STRBP: variants seen among roughly 807,000 people sequenced by gnomAD.
The protein encoded by STRBP is spermatid perinuclear RNA binding protein, also known as spermatid perinuclear RNA-binding protein.
In STRBP, 13 loss-of-function variants were observed where a neutral mutation model predicts 80.1. The observed-to-expected ratio is 0.16, with a 90% CI of 0.11 to 0.26. STRBP has a LOEUF of 0.26. Among genes scored for constraint, STRBP ranks in the 10% least tolerant of loss-of-function variants. STRBP has a pLI of 1.00. For missense variants in STRBP, 485 were observed against 815.2 expected, an observed-to-expected ratio of 0.59 and a Z score of 4.93; for synonymous variants, 284 against 291.2, an observed-to-expected ratio of 0.98 and a Z score of 0.25.
At chr9:123,220,367 C>T (rs1009991318) in intron 2 of STRBP, among the ~76,000 whole-genome samples, 1 of 152,182 alleles carries the variant, frequency 6.6e-6, no homozygotes, top group Admixed American at 6.5e-5. Flanking sequence ...CAAACCTGTA[C>T]AGCAAGTTAT....
At chr9:123,252,205 T>A (rs773830973) in intron 1 of STRBP, among the ~76,000 whole-genome samples, 1 of 152,092 alleles carries the variant, frequency 6.6e-6, no homozygotes, top group Non-Finnish European at 1.5e-5. Flanking sequence ...CAGATGAGGT[T>A]TTCCTGTATT....
intron 2 of STRBP, among the ~76,000 whole-genome samples, chr9:123,187,763 A>ACC (rs1564280205): frequency 9.8e-4 from 31 of 31,718 alleles, no homozygotes; most frequent in East Asian, 5.4e-3. Flanking sequence ...ACCACCCACC[A>ACC]CACACCACCC....
chr9:123,158,724 G>C (rs971761875), intron 9 of STRBP, among the ~76,000 whole-genome samples: 2 of 151,934 alleles, frequency 1.3e-5, no homozygotes, highest in Non-Finnish European at 2.9e-5. Context: ...ATCTTAAAAG[G>C]GATTACATAT....
At chr9:123,128,171 T>G (rs778522722) in intron 18 of STRBP, 43 bp downstream of exon 18, 6 of 1,610,262 alleles carry the variant, frequency 3.7e-6, no homozygotes, top group Admixed American at 1.7e-5. Context: ...TGGATTGCTG[T>G]GACAGTCGCT....
chr9:123,160,113 G>T (rs761093870), intron 8 of STRBP, among the ~76,000 whole-genome samples: 1 of 152,044 alleles, frequency 6.6e-6, no homozygotes, highest in Non-Finnish European at 1.5e-5. Flanking sequence ...ACTTCTAAAA[G>T]GTATAAAACC....
intron 1 of STRBP, among the ~76,000 whole-genome samples, chr9:123,243,594 T>C (rs2040742033): frequency 6.6e-6 from 1 of 151,948 alleles, no homozygotes; most frequent in Non-Finnish European, 1.5e-5. Context: ...CTAGAATATA[T>C]AAAGAACCCT....
intron 13 of STRBP, among the ~76,000 whole-genome samples, chr9:123,144,423 C>A (rs2036727240): frequency 6.6e-6 from 1 of 152,038 alleles, no homozygotes; most frequent in Non-Finnish European, 1.5e-5. Flanking sequence ...TGCAAAGGAA[C>A]ATATAAAATA....
In STRBP at chr9:123,126,143, T is replaced by C. The variant is rs968893778; in HGVS notation, c.1943-470A>G. Among the ~76,000 whole-genome samples, 4 of 152,254 alleles carry C rather than the reference T, an allele frequency of 2.6e-5. No homozygotes were observed. The highest frequency in any genetic ancestry group is 4.4e-5 in the Non-Finnish European group (3 of 68,044). Reference sequence around the variant, plus strand: ...TTAATGGCTATGGCCAATATTGGCATGGCAAATCTGGAAAGATTAATTACT... The same window carrying C: ...TTAATGGCTATGGCCAATATTGGCACGGCAAATCTGGAAAGATTAATTACT... On this transcript the variant is annotated intron_variant, in intron 18 of 18. Coordinates refer to ENST00000348403, the MANE Select transcript of STRBP (RefSeq NM_018387.5). The surrounding 1 kb of genome is among the most constrained non-coding windows in gnomAD (Gnocchi z 4.4).
At position 123,139,692 on chromosome 9, in the gene STRBP, A is replaced by G; in HGVS notation, c.1339-5T>C. ...ATATCCCATTGCCTGCAATACCTGT[A>G]CAAATTACATTAAAATGCAGTTTTA... On this transcript the variant is annotated splice_region_variant and splice_polypyrimidine_tract_variant and intron_variant, in intron 13 of 18. Transcript: ENST00000348403. 6.2e-7 allele frequency: 1 copy of G among 1,606,212 alleles called. No individual in the cohort carries two copies. Among genetic ancestry groups the G allele is most frequent in the South Asian group, 1.1e-5 (1 of 88,940 alleles).
intron 2 of STRBP, among the ~76,000 whole-genome samples, chr9:123,194,915 C>T (rs535431845): frequency 1.3e-5 from 2 of 152,292 alleles, no homozygotes; most frequent in East Asian, 3.9e-4. Context: ...TGCCTCAAGA[C>T]TCAGCCCTCA....
chr9:123,201,084 C>T (rs998410612), intron 2 of STRBP, among the ~76,000 whole-genome samples: 2 of 152,034 alleles, frequency 1.3e-5, no homozygotes, highest in Non-Finnish European at 2.9e-5. Flanking sequence ...TGCAATGTCA[C>T]CAGTTTCATT....
At chr9:123,194,698 G>A (rs1315260401) in intron 2 of STRBP, among the ~76,000 whole-genome samples, 2 of 151,994 alleles carry the variant, frequency 1.3e-5, no homozygotes, top group African/African-American at 2.4e-5. Flanking sequence ...GGTCCCCTAG[G>A]ATTTCCATGG....
At chr9:123,168,299 G>A in intron 6 of STRBP, 1 of 875,168 alleles carries the variant, frequency 1.1e-6, no homozygotes, top group Non-Finnish European at 1.4e-6. Context: ...GTTCTTCAGA[G>A]GTGCTATAGA....
At chr9:123,223,896 T>C (rs911125471) in intron 2 of STRBP, among the ~76,000 whole-genome samples, 12 of 152,190 alleles carry the variant, frequency 7.9e-5, no homozygotes, top group Admixed American at 5.9e-4. Context: ...TAATGGTTTA[T>C]TTTTTACTTC....
intron 3 of STRBP, chr9:123,114,379 G>C (rs1020130422): frequency 6.0e-6 from 1 of 167,174 alleles, no homozygotes; most frequent in Admixed American, 6.5e-5. Flanking sequence ...GCTACAGACT[G>C]TGTTCCACAG....
At chr9:123,180,694 G>A (rs1308450854) in intron 3 of STRBP, among the ~76,000 whole-genome samples, 1 of 152,116 alleles carries the variant, frequency 6.6e-6, no homozygotes. Context: ...TAACAGAGTA[G>A]ATTCTATACA....
rs1554762956 is a variant in STRBP, at chr9:123,200,762, T to TTTTTTTTTTTTA, written c.-164-16465_-164-16464insTAAAAAAAAAAA. On this transcript the variant is annotated intron_variant, in intron 2 of 18. Transcript: ENST00000348403. ...TTTTTTTTTTTTTTTTTTTTTTTTT[T>TTTTTTTTTTTTA]AGTAGAGACCAGGTTTCACCATGTT... Among the ~76,000 whole-genome samples, 104 of 133,538 alleles carry TTTTTTTTTTTTA rather than the reference T, an allele frequency of 7.8e-4. 4 individuals are homozygous for TTTTTTTTTTTTA. The highest frequency in any genetic ancestry group is 2.9e-3 in the African/African-American group (99 of 34,222). 87.6% of individuals were successfully genotyped at this position (133,538 alleles called of 152,430 possible). A position where few individuals can be genotyped will look rare whatever the true frequency, so the allele number is the denominator to read the frequency against.
chr9:123,160,944 T>C (rs778813337), intron 7 of STRBP, 33 bp downstream of exon 7: 27 of 1,551,716 alleles, frequency 1.7e-5, no homozygotes, highest in Middle Eastern at 3.4e-4. Flanking sequence ...TGGACAAACT[T>C]TAATAACAAT....
At chr9:123,152,302 A>G (rs1436889255) in intron 11 of STRBP, among the ~76,000 whole-genome samples, 2 of 152,190 alleles carry the variant, frequency 1.3e-5, no homozygotes, top group Admixed American at 6.6e-5. Flanking sequence ...TGAAGCCAGC[A>G]TAACATTGAA....
Sources: gnomAD v4.1 joint callset for allele counts (sites outside exome capture counted in the v4.1 genomes callset) on GRCh38, gnomAD v4.1.1 for gene constraint, Gnocchi (gnomAD v3.1) non-coding constraint, MANE v1.5 for transcripts, NCBI Gene and HGNC (gene_info 2026-07-23, HGNC 2026-07-21) for gene names.